Variants in GLI2 observed in about 807,000 individuals in gnomAD.
GLI2 encodes GLI family zinc finger 2.
A neutral mutation model predicts 78.9 loss-of-function variants in GLI2; 22 were observed. The ratio of observed to expected loss-of-function variants is 0.28; its 90% CI spans 0.20 to 0.40. The LOEUF (loss-of-function observed/expected upper bound fraction) is 0.40. Ranked by LOEUF, GLI2 falls within the 10% of genes least tolerant of loss-of-function variation. The pLI is 1.00. For missense variants in GLI2, 2,097 were observed against 2,213.2 expected, an observed-to-expected ratio of 0.95 and a Z score of 1.05; for synonymous variants, 974 against 963.7, an observed-to-expected ratio of 1.01 and a Z score of -0.20.
intron 5 of GLI2, among the ~76,000 whole-genome samples, chr2:120,957,933 C>T (rs762650857): frequency 4.6e-5 from 7 of 152,262 alleles, no homozygotes; most frequent in Non-Finnish European, 1.0e-4. Flanking sequence ...GCACCATCTG[C>T]CCTTCCCTGG....
Position 120,919,265 on chromosome 2 carries a change from C to T in GLI2, c.149-8096C>T, listed in dbSNP as rs1679251027. 3.3e-5 allele frequency among the ~76,000 whole-genome samples: 5 copies of T among 152,244 alleles called. No homozygotes were observed. The South Asian group carries it at 1.0e-3, about 31-fold the overall frequency. Reference sequence around the variant, plus strand: ...AGGAACATGATAAATTAGTTTTTAACTGGAGAATCCCAAAGTCCCCCATAG... The same window carrying T: ...AGGAACATGATAAATTAGTTTTTAATTGGAGAATCCCAAAGTCCCCCATAG... On this transcript the variant is annotated intron_variant, in intron 2 of 13. Transcript: ENST00000361492.
Position 120,986,546 on chromosome 2 carries a change from A to T in GLI2, c.2174A>T (p.Asp725Val). Residue 725 changes from aspartate to valine, a missense_variant, in exon 13 of 14, where the codon GAT becomes GTT. By Grantham distance (152) the Asp-to-Val change is radical. Around this residue, in one of 5 missense-constraint regions of GLI2, gnomAD observed 1,290 missense variants for 1,261.7 expected, o/e 1.02. Coordinates refer to ENST00000361492, the MANE Select transcript of GLI2 (RefSeq NM_001374353.1). ...LKKEKLKSLK[D>V]SCSWAGPTPH... ...AAGGAGAAGCTCAAGTCACTCAAGG[A>T]TTCCTGCTCATGGGCCGGGCCGACT... The T allele has an allele frequency of 6.2e-7, 1 of 1,614,098 alleles. No homozygotes were observed. The highest frequency in any genetic ancestry group is 8.5e-7 in the Non-Finnish European group (1 of 1,180,020).
chr2:120,900,968 T>C (rs941372817), intron 2 of GLI2, among the ~76,000 whole-genome samples: 2 of 152,248 alleles, frequency 1.3e-5, no homozygotes, highest in African/African-American at 4.8e-5. Flanking sequence ...CCCTCTTGGC[T>C]GGCAGGTGTA....
At chr2:120,778,672 G>A (rs540307617) in intron 1 of GLI2, among the ~76,000 whole-genome samples, 1 of 152,294 alleles carries the variant, frequency 6.6e-6, no homozygotes, top group African/African-American at 2.4e-5. Flanking sequence ...CAGGCTGGGG[G>A]CCAGTCCAGG....
rs371923424 is a variant in GLI2, at chr2:120,952,664, T to G, written c.457+1219T>G. On this transcript the variant is annotated intron_variant, in intron 4 of 13. Coordinates refer to ENST00000361492, the MANE Select transcript of GLI2 (RefSeq NM_001374353.1). ...AATGGCTAGCTGGAATGTGACACCA[T>G]TCTGAAATGGCCCCTCAAGTCAGAA... Among the ~76,000 whole-genome samples, 49 of 152,338 alleles carry G rather than the reference T, an allele frequency of 3.2e-4. 1 individual carries two copies. Among genetic ancestry groups the G allele is most frequent in the African/African-American group, 1.1e-3 (47 of 41,578 alleles).
intron 2 of GLI2, among the ~76,000 whole-genome samples, chr2:120,810,871 C>T (rs1050812607): frequency 2.6e-5 from 4 of 152,176 alleles, no homozygotes; most frequent in Non-Finnish European, 4.4e-5. Flanking sequence ...ATTGGCTTTC[C>T]GCTGGCCTGG....
At chr2:120,865,099 T>G (rs1197538527) in intron 2 of GLI2, among the ~76,000 whole-genome samples, 1 of 152,150 alleles carries the variant, frequency 6.6e-6, no homozygotes, top group Admixed American at 6.5e-5. Flanking sequence ...GCCTCATCAC[T>G]TCCATCTATG....
intron 3 of GLI2, among the ~76,000 whole-genome samples, chr2:120,932,444 C>G (rs975825321): frequency 6.6e-6 from 1 of 152,130 alleles, no homozygotes; most frequent in Non-Finnish European, 1.5e-5. Context: ...GAGAGGTGTT[C>G]CCTGCACTCT....
chr2:120,972,002 G>C lies in GLI2; in HGVS notation c.1121G>C (p.Arg374Pro). 1 of 1,613,516 alleles carries C rather than the reference G, an allele frequency of 6.2e-7. No individual in the cohort carries two copies. Among genetic ancestry groups the C allele is most frequent in the South Asian group, 1.1e-5 (1 of 91,080 alleles). The change falls in exon 8 of 14, where the codon CGC becomes CCC. Residue 374 changes from arginine (R) to proline (P), a missense_variant. By Grantham distance (103) the Arg-to-Pro change is moderately radical. Coordinates refer to ENST00000361492, the MANE Select transcript of GLI2 (RefSeq NM_001374353.1). ...GTCAACCCTGTCGCCATTCACAAGC[G>C]CAGCAAGGTCAAGACCGAGCCTGAG... is the stretch of plus-strand genomic sequence containing the variant. ...STVNPVAIHKRSKVKTEPEGL... is the reference protein window; with the variant it reads ...STVNPVAIHKPSKVKTEPEGL...
intron 1 of GLI2, among the ~76,000 whole-genome samples, chr2:120,796,726 T>A (rs1684414103): frequency 6.6e-6 from 1 of 152,240 alleles, no homozygotes; most frequent in African/African-American, 2.4e-5. Context: ...ACATATTGTA[T>A]CTTCCGCACC....
chr2:120,861,969 C>T (rs1460807636), intron 2 of GLI2, among the ~76,000 whole-genome samples: 1 of 152,206 alleles, frequency 6.6e-6, no homozygotes, highest in Non-Finnish European at 1.5e-5. Flanking sequence ...ATTCATTATA[C>T]ATCTGAGGGG....
At chr2:120,795,037 T>A (rs1684320170) in intron 1 of GLI2, among the ~76,000 whole-genome samples, 1 of 152,170 alleles carries the variant, frequency 6.6e-6, no homozygotes, top group South Asian at 2.1e-4. Context: ...CATTTTTTTC[T>A]ACTTAAAAAG....
intron 3 of GLI2, among the ~76,000 whole-genome samples, chr2:120,931,312 G>T (rs183728045): frequency 4.9e-4 from 74 of 152,246 alleles, no homozygotes. Context: ...CCCTTGCTCT[G>T]TCCTCACCTT....
chr2:120,831,001 T>C (rs1252298727), intron 2 of GLI2, among the ~76,000 whole-genome samples: 1 of 149,920 alleles, frequency 6.7e-6, no homozygotes, highest in East Asian at 2.0e-4. Context: ...TTTTTTTGCC[T>C]GTTTGGTCTC....
intron 1 of GLI2, among the ~76,000 whole-genome samples, chr2:120,782,580 C>G (rs1392549629): frequency 2.6e-5 from 4 of 152,186 alleles, no homozygotes; most frequent in African/African-American, 9.7e-5. Context: ...CTCTTTACAG[C>G]TTAAGGTGGT....
At chr2:120,770,063 G>T (rs1573360743) in intron 1 of GLI2, among the ~76,000 whole-genome samples, 1 of 152,188 alleles carries the variant, frequency 6.6e-6, no homozygotes, top group African/African-American at 2.4e-5. Flanking sequence ...CCTGGCCCCA[G>T]CCCCTAGTGA....
At chr2:120,787,777 G>A (rs1303712953) in intron 1 of GLI2, among the ~76,000 whole-genome samples, 1 of 152,252 alleles carries the variant, frequency 6.6e-6, no homozygotes. Context: ...TGCTGGGGGA[G>A]TGGTGTCAGG....
chr2:120,841,888 T>A (rs190064602), intron 2 of GLI2, among the ~76,000 whole-genome samples: 26 of 150,900 alleles, frequency 1.7e-4, no homozygotes, highest in Non-Finnish European at 2.2e-4. Context: ...TGTGTGTGTG[T>A]GATGCTGGGC....
In GLI2 at chr2:120,955,345, C is replaced by T. The variant is rs765862786; in HGVS notation, c.558C>T (p.His186=). Residue 186 remains histidine, a synonymous_variant, in exon 5 of 14, where the codon CAC becomes CAT. Coordinates refer to ENST00000361492, the MANE Select transcript of GLI2 (RefSeq NM_001374353.1). ...ACCAGATGACCCTCGTGGCAGGCCA[C>T]CCCGCGCCCTACGGGGACCTGCTGA... ...YYHQMTLVAG[H]PAPYGDLLMQ... 1.2e-6 allele frequency: 2 copies of T among 1,613,556 alleles called. No homozygotes were observed. The highest frequency in any genetic ancestry group is 1.7e-6 in the Non-Finnish European group (2 of 1,179,660).
Sources: gnomAD v4.1 joint callset for allele counts (sites outside exome capture counted in the v4.1 genomes callset) on GRCh38, gnomAD v4.1.1 for gene constraint, gnomAD v4.1.1 regional missense constraint, MANE v1.5 for transcripts, NCBI Gene and HGNC (gene_info 2026-07-23, HGNC 2026-07-21) for gene names.